RCBTB2: variants seen among roughly 807,000 people sequenced by gnomAD.
The protein encoded by RCBTB2 is RCC1 and BTB domain containing protein 2.
RCBTB2 carries 55 observed loss-of-function variants against 65.4 expected under a neutral mutation model. That is an observed-to-expected ratio of 0.84 (90% confidence interval 0.68 to 1.05). The LOEUF (loss-of-function observed/expected upper bound fraction) is 1.05. Among genes scored for constraint, RCBTB2 ranks in the 50% least tolerant of loss-of-function variants. RCBTB2 has a pLI of 0.00. For missense variants in RCBTB2, 599 were observed against 680.1 expected, an observed-to-expected ratio of 0.88 and a Z score of 1.33; for synonymous variants, 220 against 255.2, an observed-to-expected ratio of 0.86 and a Z score of 1.31.
chr13:48,521,745 G>A (rs998367546), intron 4 of RCBTB2, among the ~76,000 whole-genome samples, 153 bp downstream of exon 4: 2 of 152,102 alleles, frequency 1.3e-5, no homozygotes, highest in African/African-American at 2.4e-5. Context: ...TACCCACAAC[G>A]ATTATCTGTT....
intron 1 of RCBTB2, among the ~76,000 whole-genome samples, chr13:48,531,039 C>T (rs1952087991): frequency 6.6e-6 from 1 of 152,192 alleles, no homozygotes; most frequent in Non-Finnish European, 1.5e-5. Flanking sequence ...CAACCCACAC[C>T]TGCACTCCCA....
At chr13:48,535,159 C>T (rs199723213), upstream of RCBTB2, among the ~76,000 whole-genome samples, 319 of 152,278 alleles carry the variant, frequency 2.1e-3, 2 homozygotes, top group South Asian at 7.0e-3. Flanking sequence ...TATATGTCCC[C>T]TATCAGCTAC....
Position 48,499,714 on chromosome 13 carries a change from C to T in RCBTB2, c.1291G>A (p.Val431Ile), listed in dbSNP as rs1166167867. Reference protein sequence around the residue: ...SSLEDNEDDIVEMSEFSYPVY... With the variant: ...SSLEDNEDDIIEMSEFSYPVY... ...GGATATGAAAATTCACTCATTTCTA[C>T]AATATCATCCTCGTTATCTTCCAAT... The change falls in exon 13 of 15, where the codon GTA becomes ATA. Residue 431 changes from valine (V) to isoleucine (I), a missense_variant. Physicochemically the swap from Val to Ile is conservative, Grantham distance 29. Transcript: ENST00000344532. 2.5e-6 allele frequency: 4 copies of T among 1,614,206 alleles called. No individual in the cohort carries two copies. Among genetic ancestry groups the T allele is most frequent in the Admixed American group, 1.7e-5 (1 of 60,032 alleles).
intron 10 of RCBTB2, chr13:48,504,440 G>T (rs1950389986): frequency 1.8e-6 from 1 of 552,902 alleles, no homozygotes; most frequent in Non-Finnish European, 2.3e-6. Context: ...CTTCATACAT[G>T]GTTGTTCAGG....
At chr13:48,532,167 T>C (rs1181413815) in intron 1 of RCBTB2, 1 of 152,258 alleles carries the variant, frequency 6.6e-6, no homozygotes, top group African/African-American at 2.4e-5. Flanking sequence ...AAAAAGTTCA[T>C]TCTAAATTAG....
chr13:48,533,084 G>C (rs1422107484), upstream of RCBTB2: 1 of 449,258 alleles, frequency 2.2e-6, no homozygotes, highest in East Asian at 7.3e-5. Context: ...TTACTGCACG[G>C]TCAGGGGCCC....
Position 48,507,118 on chromosome 13 carries a change from T to A in RCBTB2, c.926+3511A>T, listed in dbSNP as rs541483584. On this transcript the variant is annotated intron_variant, in intron 10 of 14. Transcript: ENST00000344532. The stretch of plus-strand genomic sequence containing the variant: ...GGGTGGGTCAGGGAAGGCCATGTGA[T>A]GCTGCCCGTCCCGGGGCATGGCCTT... Among the ~76,000 whole-genome samples the A allele has an allele frequency of 1.1e-3, 169 of 152,352 alleles. 1 individual carries two copies. The highest frequency in any genetic ancestry group is 8.5e-3 in the Admixed American group (130 of 15,306).
chr13:48,508,274 A>C (rs886926101), intron 10 of RCBTB2, among the ~76,000 whole-genome samples: 1 of 152,262 alleles, frequency 6.6e-6, no homozygotes, highest in Non-Finnish European at 1.5e-5. Flanking sequence ...GTCCCAGCAC[A>C]GACCTATAAA....
chr13:48,493,309 A>ACTCTCTCTCTCTCT lies in RCBTB2; in HGVS notation c.1515+2881_1515+2882insAGAGAGAGAGAGAG, dbSNP rs1429120157. Among the ~76,000 whole-genome samples the ACTCTCTCTCTCTCT allele has an allele frequency of 2.0e-3, 97 of 47,854 alleles. 1 individual carries two copies. Among genetic ancestry groups the ACTCTCTCTCTCTCT allele is most frequent in the South Asian group, 9.7e-3 (11 of 1,134 alleles). The allele number at this position is 47,854 out of a possible 152,430, so 31.4% of individuals were successfully genotyped here. ...TCTCTCCACACACACACACACACAC[A>ACTCTCTCTCTCTCT]CACACACTCTCTCTCTCTCTCTCTC... On this transcript the variant is annotated intron_variant, in intron 14 of 14. Coordinates refer to ENST00000344532, the MANE Select transcript of RCBTB2 (RefSeq NM_001268.4).
intron 5 of RCBTB2, 98 bp downstream of exon 5, chr13:48,515,488 T>G: frequency 7.2e-7 from 1 of 1,395,492 alleles, no homozygotes; most frequent in Non-Finnish European, 9.7e-7. Context: ...TCCATGCTTT[T>G]TTTTTTAACC....
Position 48,515,686 on chromosome 13 carries a change from A to C in RCBTB2, c.98T>G (p.Ile33Ser). The change falls in exon 5 of 15, where the codon ATT becomes AGT. Residue 33 changes from isoleucine to serine, a missense_variant. Coordinates refer to ENST00000344532, the MANE Select transcript of RCBTB2 (RefSeq NM_001268.4). ...TTCTTCTTCAGAACAAAGGGAAAAAATTGGCCACTTTCCCACATCTAACAT... is the reference window on the plus strand; with the variant it reads ...TTCTTCTTCAGAACAAAGGGAAAAACTTGGCCACTTTCCCACATCTAACAT... ...LKMLDVGKWP[I>S]FSLCSEEELQ... 1 of 1,614,204 alleles carries C rather than the reference A, an allele frequency of 6.2e-7. No individual in the cohort carries two copies. Among genetic ancestry groups the C allele is most frequent in the Non-Finnish European group, 8.5e-7 (1 of 1,180,012 alleles).
Position 48,501,582 on chromosome 13 carries a change from T to C in RCBTB2, c.1244+160A>G, listed in dbSNP as rs541508278. Among the ~76,000 whole-genome samples the C allele has an allele frequency of 3.9e-5, 6 of 152,340 alleles. No homozygotes were observed. The South Asian group carries it at 1.2e-3, about 32-fold the overall frequency. Reference sequence around the variant, plus strand: ...GAACCACACAACCTGTGTTATTTCTTGTTTCATGTATATTTCTCCCCGCTC... The same window carrying C: ...GAACCACACAACCTGTGTTATTTCTCGTTTCATGTATATTTCTCCCCGCTC... On this transcript the variant is annotated intron_variant, in intron 12 of 14. Coordinates refer to ENST00000344532, the MANE Select transcript of RCBTB2 (RefSeq NM_001268.4).
chr13:48,510,226 C>G (rs1950704234), intron 10 of RCBTB2, among the ~76,000 whole-genome samples: 1 of 152,166 alleles, frequency 6.6e-6, no homozygotes. Context: ...GAGTGACCAG[C>G]TTTATACCCC....
At chr13:48,522,739 G>T (rs905884860) in intron 2 of RCBTB2, among the ~76,000 whole-genome samples, 1 of 152,278 alleles carries the variant, frequency 6.6e-6, no homozygotes, top group African/African-American at 2.4e-5. Context: ...TAATGATGTT[G>T]CTTTTTCTAA....
chr13:48,521,840 T>C, intron 4 of RCBTB2, 58 bp downstream of exon 4: 6 of 1,517,472 alleles, frequency 4.0e-6, no homozygotes, highest in Non-Finnish European at 5.5e-6. Context: ...AGGTGCTTCA[T>C]GAAGTATGTT....
chr13:48,505,603 T>C (rs1383465801), intron 10 of RCBTB2, among the ~76,000 whole-genome samples: 1 of 152,228 alleles, frequency 6.6e-6, no homozygotes, highest in Non-Finnish European at 1.5e-5. Flanking sequence ...GTATCGATTT[T>C]ACTGGCAAGC....
Position 48,521,855 on chromosome 13 carries a change from G to A in RCBTB2, c.42+43C>T, listed in dbSNP as rs200721128. ...AGGTGCTTCATGAAGTATGTTTCATGCAACAGAACACACATGCTCCAAGGG... is the reference window on the plus strand; with the variant it reads ...AGGTGCTTCATGAAGTATGTTTCATACAACAGAACACACATGCTCCAAGGG... On this transcript the variant is annotated intron_variant, in intron 4 of 14. Transcript: ENST00000344532. 1.2e-3 allele frequency: 1,916 copies of A among 1,573,834 alleles called. 34 individuals carry two copies. The South Asian group carries it at 0.015, about 13-fold the overall frequency.
chr13:48,504,905 T>G (rs1176865071), intron 10 of RCBTB2, among the ~76,000 whole-genome samples: 1 of 152,170 alleles, frequency 6.6e-6, no homozygotes, highest in Non-Finnish European at 1.5e-5. Context: ...TGTTCTCATG[T>G]GCGGTAATCT....
intron 10 of RCBTB2, among the ~76,000 whole-genome samples, chr13:48,506,363 A>T (rs1950504015): frequency 6.6e-6 from 1 of 152,206 alleles, no homozygotes; most frequent in Non-Finnish European, 1.5e-5. Context: ...CAGGGCCATG[A>T]TGTGAGGAAA....
Sources: gnomAD v4.1 joint callset for allele counts (sites outside exome capture counted in the v4.1 genomes callset) on GRCh38, gnomAD v4.1.1 for gene constraint, MANE v1.5 for transcripts, NCBI Gene and HGNC (gene_info 2026-07-23, HGNC 2026-07-21) for gene names.